The following ADGRV1 variants were observed in gnomAD, a reference collection of about 807,000 sequenced individuals.
ADGRV1 encodes the protein adhesion G protein-coupled receptor V1.
Under a neutral mutation model 596.2 loss-of-function variants are expected in ADGRV1, and 359 were observed. That is an observed-to-expected ratio of 0.60 (90% CI 0.55 to 0.66). The LOEUF is 0.66. Among genes scored for constraint, ADGRV1 ranks in the 30% least tolerant of loss-of-function variants. The pLI, the probability that ADGRV1 is intolerant of heterozygous loss-of-function variation, is 0.00. For missense variants in ADGRV1, 7,274 were observed against 7,575.6 expected (o/e 0.96, Z 1.48); for synonymous variants, 2,681 against 2,679.2 (o/e 1.00, Z -0.02).
Position 90,705,451 on chromosome 5 carries a change from T to A in ADGRV1, c.8438T>A (p.Val2813Asp). 1 of 1,613,970 alleles carries A rather than the reference T, an allele frequency of 6.2e-7. No homozygotes were observed. Among genetic ancestry groups the A allele is most frequent in the South Asian group, 1.1e-5 (1 of 91,086 alleles). ...ALLDAQGYAA[V>D]LTVEASDEPH... is the part of the protein sequence containing the mutation. The stretch of plus-strand genomic sequence containing the variant: ...CTTGATGCTCAAGGATATGCAGCTG[T>A]CCTCACAGTAGAAGCCAGTGATGAA... Residue 2813 changes from valine (V) to aspartate (D), a missense_variant, in exon 37 of 90, where the codon GTC becomes GAC. Val to Asp is a radical substitution (Grantham distance 152, BLOSUM62 -3). Around this residue, in one of 5 missense-constraint regions of ADGRV1, gnomAD observed 3,643 missense variants for 3,809.2 expected, o/e 0.96. Transcript: ENST00000405460.
intron 85 of ADGRV1, among the ~76,000 whole-genome samples, chr5:91,040,398 T>C (rs1203977575): frequency 6.6e-6 from 1 of 152,204 alleles, no homozygotes; most frequent in Non-Finnish European, 1.5e-5. Context: ...TAGACGACTA[T>C]ATGCTTCATG....
intron 1 of ADGRV1, among the ~76,000 whole-genome samples, chr5:90,579,276 C>T (rs1407894111): frequency 6.6e-6 from 1 of 152,022 alleles, no homozygotes; most frequent in Non-Finnish European, 1.5e-5. Context: ...CACTGCTTTA[C>T]GTATGTCCCA....
At chr5:90,784,131 C>T in intron 67 of ADGRV1, 74 bp downstream of exon 67, 1 of 923,736 alleles carries the variant, frequency 1.1e-6, no homozygotes, top group South Asian at 1.9e-5. Context: ...TTCTCATTGC[C>T]CAAGTATATT....
chr5:91,089,273 C>T (rs1353949940), intron 86 of ADGRV1, among the ~76,000 whole-genome samples: 1 of 152,002 alleles, frequency 6.6e-6, no homozygotes, highest in Non-Finnish European at 1.5e-5. Context: ...AATATACATA[C>T]AGCTGTTGGG....
chr5:90,584,253 G>A (rs1258789371), intron 1 of ADGRV1, among the ~76,000 whole-genome samples: 2 of 152,080 alleles, frequency 1.3e-5, no homozygotes, highest in Non-Finnish European at 2.9e-5. Context: ...TTAATGATTC[G>A]GGTGCCTAAA....
intron 1 of ADGRV1, among the ~76,000 whole-genome samples, chr5:90,569,852 C>T (rs1420445979): frequency 1.3e-5 from 2 of 152,006 alleles, no homozygotes; most frequent in African/African-American, 2.4e-5. Context: ...AGTTTCATTT[C>T]TGCCCCTGCT....
At chr5:91,079,398 T>G (rs757384823) in intron 86 of ADGRV1, among the ~76,000 whole-genome samples, 6 of 152,190 alleles carry the variant, frequency 3.9e-5, no homozygotes, top group Non-Finnish European at 8.8e-5. Context: ...TGCTTAGGTT[T>G]TTGATCTCAA....
intron 85 of ADGRV1, among the ~76,000 whole-genome samples, chr5:91,059,180 T>C (rs1279072294): frequency 6.6e-6 from 1 of 152,204 alleles, no homozygotes; most frequent in Non-Finnish European, 1.5e-5. Flanking sequence ...GACCTTTACA[T>C]GTATTCACTC....
rs768084077 is a variant in ADGRV1 at position 90,791,173 on chromosome 5, T to G, written c.14344T>G (p.Ser4782Ala). The change falls in exon 70 of 90, where the codon TCC (serine) becomes GCC (alanine). Residue 4782 changes from serine (S) to alanine (A), a missense_variant. By Grantham distance (99) the Ser-to-Ala change is moderately conservative. Transcript: ENST00000405460. ...ACTTATTGGGCAGAACCTTATTAGA[T>G]CCATCCAAATTAACATAACCCGGCT... is the stretch of plus-strand genomic sequence containing the variant. ...SILIGQNLIRSIQINITRLAG... is the reference protein window; with the variant it reads ...SILIGQNLIRAIQINITRLAG... The G allele has an allele frequency of 1.1e-5, 18 of 1,613,950 alleles. No homozygotes were observed. The highest frequency in any genetic ancestry group is 1.5e-5 in the Non-Finnish European group (18 of 1,179,884).
chr5:91,082,420 G>A (rs569547673), intron 86 of ADGRV1, among the ~76,000 whole-genome samples: 1 of 152,128 alleles, frequency 6.6e-6, no homozygotes, highest in South Asian at 2.1e-4. Context: ...TCAATCTCCT[G>A]GGCTCAAGAG....
At chr5:91,115,387 G>C (rs371736452) in intron 87 of ADGRV1, among the ~76,000 whole-genome samples, 18 of 152,274 alleles carry the variant, frequency 1.2e-4, no homozygotes, top group East Asian at 1.2e-3. Flanking sequence ...AAATTCATCA[G>C]ATATTTAGTG....
At chr5:90,787,128 C>T (rs778392865) in intron 67 of ADGRV1, among the ~76,000 whole-genome samples, 20 of 152,110 alleles carry the variant, frequency 1.3e-4, no homozygotes, top group African/African-American at 4.3e-4. Flanking sequence ...TAAGCCAAGA[C>T]GACAGGACAT....
intron 84 of ADGRV1, among the ~76,000 whole-genome samples, chr5:90,971,720 A>G (rs751973296): frequency 6.6e-6 from 1 of 152,212 alleles, no homozygotes; most frequent in Non-Finnish European, 1.5e-5. Context: ...ATGGAAAGGA[A>G]CAACTGGTAC....
intron 1 of ADGRV1, among the ~76,000 whole-genome samples, chr5:90,579,311 G>A (rs1340146218): frequency 6.6e-6 from 1 of 152,112 alleles, no homozygotes; most frequent in Non-Finnish European, 1.5e-5. Flanking sequence ...TTGTGTCTTT[G>A]TTCTCATTGG....
chr5:90,808,981 C>T (rs1204106744), intron 73 of ADGRV1, among the ~76,000 whole-genome samples: 1 of 148,108 alleles, frequency 6.8e-6, no homozygotes, highest in Non-Finnish European at 1.5e-5. Context: ...GAGACTCGCT[C>T]TTTCGCCCAG....
In ADGRV1 at chr5:91,123,090, T is replaced by A. The variant is rs142199300; in HGVS notation, c.18432+20750T>A. On this transcript the variant is annotated intron_variant, in intron 87 of 89. Coordinates refer to ENST00000405460, the MANE Select transcript of ADGRV1 (RefSeq NM_032119.4). ...GCTCTGCTACTTGCTAGTCCTATGA[T>A]CATGGGCCAGTTACTTAACATCCTT... 5.3e-5 allele frequency among the ~76,000 whole-genome samples: 8 copies of A among 152,328 alleles called. 2 individuals are homozygous for A. Among genetic ancestry groups the A allele is most frequent in the African/African-American group, 1.9e-4 (8 of 41,568 alleles).
chr5:90,635,770 T>C (rs1027406853), intron 10 of ADGRV1, among the ~76,000 whole-genome samples: 1 of 152,106 alleles, frequency 6.6e-6, no homozygotes, highest in Non-Finnish European at 1.5e-5. Flanking sequence ...TTTCTTTGTA[T>C]TTTTAGTAAA....
At chr5:90,924,484 T>C (rs1474056160) in intron 83 of ADGRV1, among the ~76,000 whole-genome samples, 3 of 151,964 alleles carry the variant, frequency 2.0e-5, no homozygotes, top group African/African-American at 7.3e-5. Flanking sequence ...GGTTGTTTTT[T>C]TTTTTCTTGT....
intron 76 of ADGRV1, among the ~76,000 whole-genome samples, chr5:90,825,053 C>G (rs534521682): frequency 6.6e-6 from 1 of 152,260 alleles, no homozygotes; most frequent in South Asian, 2.1e-4. Context: ...TCTCATGCCT[C>G]AGCCTCCTGA....
Sources: gnomAD v4.1 joint callset for allele counts (sites outside exome capture counted in the v4.1 genomes callset) on GRCh38, gnomAD v4.1.1 for gene constraint, gnomAD v4.1.1 regional missense constraint, MANE v1.5 for transcripts, NCBI Gene and HGNC (gene_info 2026-07-23, HGNC 2026-07-21) for gene names.